MED15: variants seen among roughly 807,000 people sequenced by gnomAD.
The protein encoded by MED15 is mediator of RNA polymerase II transcription subunit 15.
A neutral mutation model predicts 118.7 loss-of-function variants in MED15; 41 were observed. The observed-to-expected ratio is 0.35, with a 90% CI of 0.27 to 0.45. The LOEUF (loss-of-function observed/expected upper bound fraction) is 0.45, where lower values mean the gene tolerates loss of function less well. MED15 is among the 20% of genes least tolerant of loss of function. The pLI is 1.00. For synonymous variants in MED15, 436 were observed against 413.9 expected (o/e 1.05, Z -0.65); for missense variants, 740 against 1,025.5 (o/e 0.72, Z 3.80).
intron 4 of MED15, 149 bp downstream of exon 4, chr22:20,553,323 A>C (rs997263085): frequency 2.6e-6 from 2 of 782,718 alleles, no homozygotes; most frequent in Admixed American, 5.2e-5. Context: ...GAGGCTGACC[A>C]GCTGTGCCCT....
At chr22:20,567,382 T>A (rs914448516) in intron 7 of MED15, among the ~76,000 whole-genome samples, 2 of 152,146 alleles carry the variant, frequency 1.3e-5, no homozygotes, top group African/African-American at 4.8e-5. Flanking sequence ...CAGAGTATGA[T>A]CACCAGGATG....
At chr22:20,555,937 TA>T (rs2055986004) in intron 5 of MED15, among the ~76,000 whole-genome samples, 1 of 152,018 alleles carries the variant, frequency 6.6e-6, no homozygotes, top group Non-Finnish European at 1.5e-5. Flanking sequence ...TGCCCAGGCT[TA>T]TCTTGAACTC....
At chr22:20,568,437 C>T (rs2056521078) in intron 7 of MED15, 84 bp from the exon 8 acceptor site, 3 of 1,546,080 alleles carry the variant, frequency 1.9e-6, no homozygotes, top group African/African-American at 1.4e-5. Flanking sequence ...AGAAAGGCTC[C>T]ATTTCCTAAG....
At chr22:20,584,805 T>C (rs1246253017) in intron 14 of MED15, 50 bp from the exon 15 acceptor site, 4 of 1,602,692 alleles carry the variant, frequency 2.5e-6, no homozygotes, top group Admixed American at 1.7e-5. Context: ...GCCCCCTAAA[T>C]GGGGAACCCT....
At chr22:20,568,485 G>A (rs773874370) in intron 7 of MED15, 36 bp from the exon 8 acceptor site, 2 of 1,606,630 alleles carry the variant, frequency 1.2e-6, no homozygotes, top group South Asian at 2.2e-5. Flanking sequence ...TCTGACCCAG[G>A]TGGTTCCAAA....
At position 20,530,714 on chromosome 22, in the gene MED15, G is replaced by C. The variant is rs117927220; in HGVS notation, c.69-6403G>C. Among the ~76,000 whole-genome samples the C allele has an allele frequency of 1.0e-3, 152 of 152,228 alleles. 3 individuals are homozygous for C. The East Asian group carries it at 0.027, about 27-fold the overall frequency. ...CAGAGCAGAGCGGGAGTTGGGGTGG[G>C]GAGGCCAGTTCATGCCTCATCAACA... On this transcript the variant is annotated intron_variant, in intron 1 of 17. Coordinates refer to ENST00000263205, the MANE Select transcript of MED15 (RefSeq NM_001003891.3).
chr22:20,531,629 A>T (rs1472693127), intron 1 of MED15, among the ~76,000 whole-genome samples: 2 of 152,208 alleles, frequency 1.3e-5, no homozygotes, highest in Non-Finnish European at 2.9e-5. Flanking sequence ...TGCCACGCTG[A>T]TTCTCCGTTC....
At chr22:20,550,837 C>T (rs1016102693) in intron 2 of MED15, 5 of 310,646 alleles carry the variant, frequency 1.6e-5, no homozygotes, top group Non-Finnish European at 2.5e-5. Context: ...CGGGCCTTGG[C>T]AGCCAGTGGC....
chr22:20,550,661 T>G (rs1466945327), intron 2 of MED15, among the ~76,000 whole-genome samples: 2 of 152,282 alleles, frequency 1.3e-5, no homozygotes, highest in African/African-American at 4.8e-5. Context: ...GATGCTTCTC[T>G]GAAATAAGAC....
At chr22:20,544,282 A>G (rs2055435251) in intron 2 of MED15, among the ~76,000 whole-genome samples, 1 of 152,178 alleles carries the variant, frequency 6.6e-6, no homozygotes, top group Admixed American at 6.5e-5. Flanking sequence ...AGCCACTGCC[A>G]TATTTTTAGG....
chr22:20,571,567 T>A (rs1414859650), intron 8 of MED15, among the ~76,000 whole-genome samples: 1 of 152,232 alleles, frequency 6.6e-6, no homozygotes, highest in Non-Finnish European at 1.5e-5. Context: ...GTAACCCGCA[T>A]TCTGCTGGTT....
chr22:20,571,271 G>A (rs996503946), intron 8 of MED15, among the ~76,000 whole-genome samples: 8 of 152,226 alleles, frequency 5.3e-5, no homozygotes, highest in African/African-American at 1.9e-4. Flanking sequence ...CCTGTCCTTG[G>A]GCCACTGGTC....
At chr22:20,563,703 G>C (rs956165455) in intron 5 of MED15, among the ~76,000 whole-genome samples, 1 of 152,186 alleles carries the variant, frequency 6.6e-6, no homozygotes, top group Non-Finnish European at 1.5e-5. Flanking sequence ...GTTACCATTG[G>C]AGGAAACTGG....
intron 1 of MED15, chr22:20,523,762 C>G: frequency 1.0e-6 from 1 of 985,448 alleles, no homozygotes. Flanking sequence ...GAAGTCAAAC[C>G]AACAGATTGG....
chr22:20,535,221 G>A lies in MED15; in HGVS notation c.69-1896G>A, dbSNP rs997852331. On this transcript the variant is annotated intron_variant, in intron 1 of 17. Transcript: ENST00000263205. ...GATCCACCTGCCTCGGCCTCCCAAA[G>A]TGCTGGGATTACAGACCTGAGCCAT... is the stretch of plus-strand genomic sequence containing the variant. Among the ~76,000 whole-genome samples the A allele has an allele frequency of 2.6e-5, 4 of 152,180 alleles. 1 individual carries two copies. Among genetic ancestry groups the A allele is most frequent in the Non-Finnish European group, 2.9e-5 (2 of 68,020 alleles).
At chr22:20,537,750 C>T (rs1290379741) in intron 2 of MED15, among the ~76,000 whole-genome samples, 1 of 152,230 alleles carries the variant, frequency 6.6e-6, no homozygotes, top group African/African-American at 2.4e-5. Flanking sequence ...ATGTGACCAC[C>T]TCCTTTAATC....
At chr22:20,551,776 G>T (rs146152796) in intron 3 of MED15, 3 of 462,350 alleles carry the variant, frequency 6.5e-6, no homozygotes, top group East Asian at 8.2e-5. Flanking sequence ...CCTTTTCATA[G>T]GGCTGTTGTT....
intron 1 of MED15, chr22:20,508,166 G>A (rs1267764739): frequency 8.2e-6 from 10 of 1,217,924 alleles, no homozygotes; most frequent in Non-Finnish European, 1.0e-5. Context: ...AGTGATGGGA[G>A]GAGGGTGGAT....
intron 1 of MED15, among the ~76,000 whole-genome samples, chr22:20,525,530 C>CTTTTTTT (rs753248152): frequency 8.8e-5 from 10 of 113,302 alleles, no homozygotes; most frequent in Non-Finnish European, 1.6e-4. Context: ...TGACCTTTCT[C>CTTTTTTT]TTTTTTTTTT....
Sources: allele counts gnomAD v4.1 joint callset (sites outside exome capture counted in the v4.1 genomes callset), GRCh38; gene constraint gnomAD v4.1.1; transcripts MANE v1.5; gene names NCBI Gene and HGNC (gene_info 2026-07-23, HGNC 2026-07-21).